Variants in IGF2R observed in about 807,000 individuals in gnomAD.
The protein encoded by IGF2R is insulin like growth factor 2 receptor, also known as cation-independent mannose-6-phosphate receptor.
A neutral mutation model predicts 270.6 loss-of-function variants in IGF2R; 91 were observed. The observed-to-expected ratio is 0.34, with a 90% CI of 0.28 to 0.40. IGF2R has a LOEUF of 0.40. Ranked by LOEUF, IGF2R falls within the 10% of genes least tolerant of loss-of-function variation. The probability of loss-of-function intolerance (pLI) is 1.00; values close to 1 mark genes in which losing one functional copy is unlikely to be tolerated. For synonymous variants in IGF2R, 1,316 were observed against 1,258.9 expected (o/e 1.05, Z -0.96); for missense variants, 2,805 against 3,188.3 (o/e 0.88, Z 2.90).
At chr6:159,979,155 GGACCCACCA>G (rs1783740625) in intron 1 of IGF2R, among the ~76,000 whole-genome samples, 2 of 152,142 alleles carry the variant, frequency 1.3e-5, no homozygotes, top group Non-Finnish European at 2.9e-5. Context: ...CCTTCAGAGC[GGACCCACCA>G]TTGGATTTTG....
At position 160,109,061 on chromosome 6, in the gene IGF2R, T is replaced by C. The variant is rs916554396; in HGVS notation, c.*3977T>C. On this transcript the variant is annotated 3_prime_UTR_variant, in exon 48 of 48. Coordinates refer to ENST00000356956, the MANE Select transcript of IGF2R (RefSeq NM_000876.4). ...TTGTATTTCTTTACCTTTTATGCTA[T>C]CTTGTAGTTTGACCAGTTTGCAAAA... 3 of 152,242 alleles carry C rather than the reference T, an allele frequency of 2.0e-5. No individual in the cohort carries two copies. Among genetic ancestry groups the C allele is most frequent in the African/African-American group, 7.2e-5 (3 of 41,474 alleles). 9.4% of individuals were successfully genotyped at this position (152,242 alleles called of 1,614,324 possible).
intron 6 of IGF2R, 98 bp downstream of exon 6, chr6:160,027,412 G>A (rs1342322172): frequency 3.7e-6 from 5 of 1,356,240 alleles, no homozygotes; most frequent in Non-Finnish European, 5.0e-6. Context: ...CAAGGCTTGG[G>A]ATAGTCCCTG....
chr6:160,022,393 A>C (rs1196600256), intron 4 of IGF2R, among the ~76,000 whole-genome samples: 1 of 152,178 alleles, frequency 6.6e-6, no homozygotes, highest in Non-Finnish European at 1.5e-5. Flanking sequence ...CCTAAATCTA[A>C]ATAAAACAAA....
At chr6:159,982,409 T>C (rs1335346775) in intron 1 of IGF2R, among the ~76,000 whole-genome samples, 3 of 152,216 alleles carry the variant, frequency 2.0e-5, no homozygotes, top group South Asian at 2.1e-4. Flanking sequence ...AGAATCTTTT[T>C]TGGATGTTCA....
chr6:160,059,458 GTATGTGT>G (rs1183522230), intron 22 of IGF2R, among the ~76,000 whole-genome samples: 98 of 152,276 alleles, frequency 6.4e-4, no homozygotes, highest in African/African-American at 2.3e-3. Flanking sequence ...TTCATCCTCT[GTATGTGT>G]GTATAGGAAA....
At chr6:160,028,828 C>CT (rs540300763) in intron 6 of IGF2R, among the ~76,000 whole-genome samples, 175 of 139,830 alleles carry the variant, frequency 1.3e-3, no homozygotes, top group South Asian at 3.2e-3. Flanking sequence ...GCTTGTCTGC[C>CT]TTTTTTTTTT....
rs1027851074 is a variant in IGF2R at position 160,111,142 on chromosome 6, T to C, written c.*6058T>C. The C allele has an allele frequency of 1.3e-5, 2 of 152,244 alleles. No homozygotes were observed. The highest frequency in any genetic ancestry group is 2.4e-5 in the African/African-American group (1 of 41,472). The allele number at this position is 152,244 out of a possible 1,614,324, so 9.4% of individuals were successfully genotyped here. A position where few individuals can be genotyped will look rare whatever the true frequency, so the allele number is the denominator to read the frequency against. ...CTTGACTGGGGCAATGATTTTGTAA[T>C]GATAAGTATCTCAAAACATCATGTT... On this transcript the variant is annotated 3_prime_UTR_variant, in exon 48 of 48. Transcript: ENST00000356956.
chr6:160,036,644 G>A (rs957158777), intron 10 of IGF2R, among the ~76,000 whole-genome samples: 7 of 152,108 alleles, frequency 4.6e-5, no homozygotes, highest in Admixed American at 1.3e-4. Context: ...CGAAATGGAC[G>A]AGCAGGATAT....
At chr6:160,028,715 G>C (rs1229301921) in intron 6 of IGF2R, among the ~76,000 whole-genome samples, 1 of 152,178 alleles carries the variant, frequency 6.6e-6, no homozygotes, top group East Asian at 1.9e-4. Flanking sequence ...CTGGGCAGGT[G>C]CTGTGGGGTT....
In IGF2R at chr6:160,090,102, A is replaced by G. The variant is rs1268230836; in HGVS notation, c.6654A>G (p.Gln2218=). Residue 2218 remains glutamine (Q), a splice_region_variant and synonymous_variant, in exon 44 of 48, where the codon CAA becomes CAG. Transcript: ENST00000356956. ...CTGACAAGACCAAGTACTACCTTCA[A>G]GGTAATCCGTGGCTTCCCACAAAGT... The part of the protein sequence containing the change: ...GTSDKTKYYL[Q]DGDLDVVFAS... The G allele has an allele frequency of 9.5e-6, 14 of 1,466,088 alleles. No individual in the cohort carries two copies. Among genetic ancestry groups the G allele is most frequent in the Non-Finnish European group, 1.3e-5 (14 of 1,099,192 alleles). 90.8% of individuals were successfully genotyped at this position (1,466,088 alleles called of 1,614,324 possible).
chr6:160,014,424 C>T (rs1777238373), intron 4 of IGF2R, among the ~76,000 whole-genome samples: 2 of 152,156 alleles, frequency 1.3e-5, no homozygotes, highest in Admixed American at 1.3e-4. Context: ...TTTACCAATG[C>T]ACACTCCAGT....
intron 2 of IGF2R, among the ~76,000 whole-genome samples, chr6:160,002,488 C>G (rs1784146151): frequency 1.3e-5 from 2 of 152,158 alleles, no homozygotes; most frequent in Admixed American, 6.5e-5. Context: ...TTATTGTCTT[C>G]ATGTTGCGTA....
rs6925867 is a variant in IGF2R, at chr6:160,062,133, A to G, written c.3582+205A>G. Among the ~76,000 whole-genome samples, 5,835 of 151,876 alleles carry G rather than the reference A, an allele frequency of 0.038. 192 individuals carry two copies. The highest frequency in any genetic ancestry group is 0.097 in the East Asian group (500 of 5,168). The stretch of plus-strand genomic sequence containing the variant: ...TTACGTAGTTTGCACATGGAGGTCA[A>G]AGATTGGGTACTAACTGTGGCTATC... On this transcript the variant is annotated intron_variant, in intron 25 of 47. Coordinates refer to ENST00000356956, the MANE Select transcript of IGF2R (RefSeq NM_000876.4).
At chr6:159,975,189 G>A (rs1783670893) in intron 1 of IGF2R, among the ~76,000 whole-genome samples, 1 of 152,184 alleles carries the variant, frequency 6.6e-6, no homozygotes, top group African/African-American at 2.4e-5. Context: ...GCTTCAATTT[G>A]GGGTTCCCAG....
intron 45 of IGF2R, among the ~76,000 whole-genome samples, chr6:160,097,573 GC>G (rs1562378489): frequency 6.6e-6 from 1 of 152,210 alleles, no homozygotes; most frequent in African/African-American, 2.4e-5. Flanking sequence ...CAGATAATCT[GC>G]CTGCCTTGGC....
chr6:159,989,900 A>AT (rs921360447), intron 1 of IGF2R, among the ~76,000 whole-genome samples: 5 of 152,240 alleles, frequency 3.3e-5, no homozygotes, highest in Admixed American at 2.6e-4. Context: ...GAAACCACCT[A>AT]TTTTGTCCCA....
In IGF2R at chr6:160,063,670, G is replaced by A. The variant is rs771481006; in HGVS notation, c.3886+40G>A. 2.9e-5 allele frequency: 42 copies of A among 1,467,254 alleles called. No individual in the cohort carries two copies. In the Admixed American group the frequency reaches 3.4e-4, roughly 12 times the overall value. The allele number at this position is 1,467,254 out of a possible 1,614,324, so 90.9% of individuals were successfully genotyped here. A position where few individuals can be genotyped will look rare whatever the true frequency, so the allele number is the denominator to read the frequency against. On this transcript the variant is annotated intron_variant, in intron 27 of 47. Coordinates refer to ENST00000356956, the MANE Select transcript of IGF2R (RefSeq NM_000876.4). ...CGTTTTCCTTTTGTTGCAAAGGAATGGAATTAAAATATTAAAATATTTTGC... is the reference window on the plus strand; with the variant it reads ...CGTTTTCCTTTTGTTGCAAAGGAATAGAATTAAAATATTAAAATATTTTGC...
chr6:159,969,197 A>T lies in IGF2R; in HGVS notation c.-50A>T, dbSNP rs1783566444. On this transcript the variant is annotated 5_prime_UTR_variant, in exon 1 of 48. Transcript: ENST00000356956. ...CCCCGTCCCGGGCGCGGCCCCCAGC[A>T]GTCGCGCGCCGTTAGCCTCGCGCCC... 1.0e-6 allele frequency: 1 copy of T among 972,120 alleles called. No individual in the cohort carries two copies. The highest frequency in any genetic ancestry group is 1.2e-6 in the Non-Finnish European group (1 of 819,304). The allele number at this position is 972,120 out of a possible 1,614,324, so 60.2% of individuals were successfully genotyped here.
chr6:160,090,087 C>T lies in IGF2R; in HGVS notation c.6639C>T (p.Thr2213=). 1 of 1,547,712 alleles carries T rather than the reference C, an allele frequency of 6.5e-7. No individual in the cohort carries two copies. Among genetic ancestry groups the T allele is most frequent in the Non-Finnish European group, 8.7e-7 (1 of 1,145,584 alleles). The change falls in exon 44 of 48, where the codon ACC becomes ACT. Residue 2213 remains threonine, a synonymous_variant. Transcript: ENST00000356956. ...FSRKVGTSDK[T]KYYLQDGDLD... ...GGAAAGTTGGAACCTCTGACAAGAC[C>T]AAGTACTACCTTCAAGGTAATCCGT... is the stretch of plus-strand genomic sequence containing the variant.
Sources: allele counts gnomAD v4.1 joint callset (sites outside exome capture counted in the v4.1 genomes callset), GRCh38; gene constraint gnomAD v4.1.1; transcripts MANE v1.5; gene names NCBI Gene and HGNC (gene_info 2026-07-23, HGNC 2026-07-21).